The following C8orf76 variants were observed in gnomAD, a reference collection of about 807,000 sequenced individuals.
C8orf76 encodes uncharacterized protein C8orf76.
In C8orf76, 46 loss-of-function variants were observed where a neutral mutation model predicts 38.1. The ratio of observed to expected loss-of-function variants is 1.21; its 90% confidence interval spans 0.95 to 1.54. The LOEUF is 1.54. Among genes scored for constraint, C8orf76 ranks in the 40% most tolerant of loss-of-function variants. C8orf76 has a pLI of 0.00. For missense variants in C8orf76, 461 were observed against 441.6 expected (o/e 1.04, Z -0.39); for synonymous variants, 166 against 167.5 (o/e 0.99, Z 0.07).
intron 1 of C8orf76, 106 bp downstream of exon 1, chr8:123,241,124 C>A (rs1000151804): frequency 8.5e-5 from 100 of 1,181,952 alleles, no homozygotes; most frequent in Middle Eastern, 5.7e-4. Context: ...CTGGAGCCTG[C>A]CAGGGTTTGC....
chr8:123,235,254 GAA>G (rs1825420078), intron 3 of C8orf76, among the ~76,000 whole-genome samples: 1 of 152,172 alleles, frequency 6.6e-6, no homozygotes, highest in Non-Finnish European at 1.5e-5. Flanking sequence ...CAAAAATCAT[GAA>G]AAGAGGTGAA....
chr8:123,236,818 T>G (rs1361849476), intron 3 of C8orf76: 2 of 654,858 alleles, frequency 3.1e-6, no homozygotes, highest in African/African-American at 3.7e-5. Flanking sequence ...ATTCCCTTTT[T>G]CTTCAGCGAG....
intron 3 of C8orf76, among the ~76,000 whole-genome samples, chr8:123,235,011 A>T (rs1343861820): frequency 6.6e-6 from 1 of 152,166 alleles, no homozygotes; most frequent in Non-Finnish European, 1.5e-5. Context: ...AACCGACCAG[A>T]CACTAGATGA....
At chr8:123,237,425 G>A (rs1236925902) in intron 3 of C8orf76, among the ~76,000 whole-genome samples, 3 of 152,128 alleles carry the variant, frequency 2.0e-5, no homozygotes, top group Non-Finnish European at 4.4e-5. Context: ...ACCTTTTTTG[G>A]CTTAGAAAAA....
rs1205808275 is a variant in C8orf76 at position 123,220,145 on chromosome 8, T to C, written c.1101A>G (p.Pro367=). The C allele has an allele frequency of 6.2e-6, 10 of 1,611,746 alleles. No homozygotes were observed. In the East Asian group the frequency reaches 1.3e-4, roughly 22 times the overall value. ...TCTCTGTATGGAACTGATTTTCAAA[T>C]GGACAGAAATGGTCTTTGATCTTTC... ...WFRKIKDHFC[P]FENQFHTEIQ... The change falls in exon 6 of 6, where the codon CCA becomes CCG. Residue 367 remains proline (P), a synonymous_variant. Transcript: ENST00000276704.
At chr8:123,241,178 G>A in intron 1 of C8orf76, 52 bp downstream of exon 1, 13 of 1,503,028 alleles carry the variant, frequency 8.6e-6, no homozygotes, top group South Asian at 2.5e-5. Flanking sequence ...GGGGCCCCGC[G>A]GAGGGCGAGG....
At chr8:123,237,732 C>T (rs1256583395) in intron 3 of C8orf76, 66 bp downstream of exon 3, 2 of 1,509,274 alleles carry the variant, frequency 1.3e-6, no homozygotes, top group Non-Finnish European at 1.8e-6. Flanking sequence ...GTTTTGTTTT[C>T]AAAAAATACA....
At chr8:123,223,098 GTAAAT>G (rs1824931859) in intron 5 of C8orf76, among the ~76,000 whole-genome samples, 1 of 152,136 alleles carries the variant, frequency 6.6e-6, no homozygotes, top group Admixed American at 6.5e-5. Context: ...AGGGAACTAA[GTAAAT>G]TATAGTTTGT....
chr8:123,236,549 G>A (rs559986000), intron 3 of C8orf76, among the ~76,000 whole-genome samples: 12 of 152,254 alleles, frequency 7.9e-5, no homozygotes, highest in Admixed American at 2.0e-4. Context: ...AGCACTTTGG[G>A]AGGCCGAGGC....
intron 5 of C8orf76, among the ~76,000 whole-genome samples, chr8:123,224,260 G>C (rs2131132475): frequency 6.6e-6 from 1 of 152,260 alleles, no homozygotes; most frequent in South Asian, 2.1e-4. Flanking sequence ...AAAAGCATGT[G>C]ATCATAGAAT....
intron 4 of C8orf76, among the ~76,000 whole-genome samples, chr8:123,227,375 ACG>A (rs1427872773): frequency 6.6e-6 from 1 of 151,290 alleles, no homozygotes; most frequent in African/African-American, 2.4e-5. Flanking sequence ...GCCCAACACT[ACG>A]CTAGGCAATG....
At chr8:123,235,579 C>T (rs976182494) in intron 3 of C8orf76, among the ~76,000 whole-genome samples, 2 of 152,170 alleles carry the variant, frequency 1.3e-5, no homozygotes, top group African/African-American at 2.4e-5. Context: ...CCCCACGAGC[C>T]CGCTTTCCAC....
intron 4 of C8orf76, among the ~76,000 whole-genome samples, chr8:123,230,946 C>T (rs1825241241): frequency 1.3e-5 from 2 of 152,128 alleles, no homozygotes; most frequent in African/African-American, 2.4e-5. Context: ...CCGCGCCCGG[C>T]CCGCATAGTT....
At position 123,231,670 on chromosome 8, in the gene C8orf76, T is replaced by A. The variant is rs748318333; in HGVS notation, c.445A>T (p.Thr149Ser). 1 of 1,613,944 alleles carries A rather than the reference T, an allele frequency of 6.2e-7. No homozygotes were observed. Among genetic ancestry groups the A allele is most frequent in the African/African-American group, 1.3e-5 (1 of 74,898 alleles). ...ICSSLQNLEKTIFCLQKLISL... is the reference protein window; with the variant it reads ...ICSSLQNLEKSIFCLQKLISL... ...ATCAGTTTCTGCAGGCAGAAAATTG[T>A]TTTCTCCAAGTTCTGCAAACTTGAA... Residue 149 changes from threonine to serine, a missense_variant, in exon 4 of 6, where the codon ACA becomes TCA. By Grantham distance (58) the Thr-to-Ser change is moderately conservative. Transcript: ENST00000276704.
chr8:123,239,516 G>C (rs1266055257), intron 1 of C8orf76: 1 of 164,286 alleles, frequency 6.1e-6, no homozygotes, highest in Non-Finnish European at 1.3e-5. Context: ...CAAAAAACTA[G>C]AATTTCAGCA....
chr8:123,239,847 G>T (rs1048096128), intron 1 of C8orf76: 4 of 151,728 alleles, frequency 2.6e-5, no homozygotes, highest in African/African-American at 4.8e-5. Flanking sequence ...ACAAAATTAG[G>T]CCGGCATGGT....
intron 5 of C8orf76, among the ~76,000 whole-genome samples, chr8:123,221,850 A>C (rs1157420276): frequency 6.6e-6 from 1 of 152,216 alleles, no homozygotes; most frequent in Non-Finnish European, 1.5e-5. Context: ...TGGAGGCTGC[A>C]GTGAGCTATG....
rs1183026433 is a variant in C8orf76 at position 123,239,076 on chromosome 8, G to A, written c.186C>T (p.Asp62=). The change falls in exon 2 of 6, where the codon GAC becomes GAT. Residue 62 remains aspartate, a synonymous_variant. Coordinates refer to ENST00000276704, the MANE Select transcript of C8orf76 (RefSeq NM_032847.3). ...EVLTLKKFKG[D]LAYRRQEYQK... ...GATACTCTTGTCGTCTGTAGGCCAG[G>A]TCTCCTTTGAATTTCTTGAGAGTCA... 1 of 1,614,026 alleles carries A rather than the reference G, an allele frequency of 6.2e-7. No individual in the cohort carries two copies. Among genetic ancestry groups the A allele is most frequent in the Non-Finnish European group, 8.5e-7 (1 of 1,179,988 alleles).
chr8:123,231,591 A>G lies in C8orf76; in HGVS notation c.524T>C (p.Leu175Pro), dbSNP rs773697568. ...WNWGKLAEAY[L>P]NLGPALSAAL... is the part of the protein sequence containing the mutation. ...TGCTGAAAGAGCTGGCCCCAGATTC[A>G]GGTAAGCCTCTGCCAATTTGCCCCA... Residue 175 changes from leucine to proline, a missense_variant, in exon 4 of 6, where the codon CTG becomes CCG. Leu to Pro is a moderately conservative substitution (Grantham distance 98, BLOSUM62 -3). Coordinates refer to ENST00000276704, the MANE Select transcript of C8orf76 (RefSeq NM_032847.3). The G allele has an allele frequency of 2.5e-6, 4 of 1,614,238 alleles. No homozygotes were observed. The highest frequency in any genetic ancestry group is 3.4e-6 in the Non-Finnish European group (4 of 1,180,044).
Sources: allele counts gnomAD v4.1 joint callset (sites outside exome capture counted in the v4.1 genomes callset), GRCh38; gene constraint gnomAD v4.1.1; transcripts MANE v1.5; gene names NCBI Gene and HGNC (gene_info 2026-07-23, HGNC 2026-07-21).